Variants in VPS50 observed in about 807,000 individuals in gnomAD.
VPS50 encodes the protein VPS50 subunit of EARP/GARPII complex.
VPS50 carries 70 observed loss-of-function variants against 139.7 expected under a neutral mutation model. That is an observed-to-expected ratio of 0.50 (90% CI 0.41 to 0.61). The LOEUF is 0.61. Ranked by LOEUF, VPS50 falls within the 20% of genes least tolerant of loss-of-function variation. The probability of loss-of-function intolerance (pLI) is 0.00; values close to 1 mark genes in which losing one functional copy is unlikely to be tolerated. For missense variants in VPS50, 921 were observed against 1,133.7 expected, an observed-to-expected ratio of 0.81 and a Z score of 2.69; for synonymous variants, 365 against 376.7, an observed-to-expected ratio of 0.97 and a Z score of 0.36.
chr7:93,335,950 T>C (rs1485856296), intron 22 of VPS50, among the ~76,000 whole-genome samples: 1 of 152,182 alleles, frequency 6.6e-6, no homozygotes, highest in Non-Finnish European at 1.5e-5. Flanking sequence ...CTGATAAACA[T>C]TGGTTTGTTA....
intron 20 of VPS50, among the ~76,000 whole-genome samples, chr7:93,314,970 TAC>T (rs1226831537): frequency 6.6e-6 from 1 of 152,098 alleles, no homozygotes; most frequent in Non-Finnish European, 1.5e-5. Context: ...AAAATTAAAA[TAC>T]CCCAAGGTAT....
Position 93,319,688 on chromosome 7 carries a change from CTT to C in VPS50, c.1856-3920_1856-3919del, listed in dbSNP as rs377330490. ...CAATGTGTTTGATAGTATGTGGACT[CTT>C]TTGATCTGAAGGCTCCTGTGTTCCT... On this transcript the variant is annotated intron_variant, in intron 20 of 27. Coordinates refer to ENST00000305866, the MANE Select transcript of VPS50 (RefSeq NM_017667.4). 3.8e-4 allele frequency among the ~76,000 whole-genome samples: 58 copies of C among 152,170 alleles called. No homozygotes were observed. The South Asian group carries it at 5.8e-3, about 15-fold the overall frequency.
In VPS50 at chr7:93,256,535, C is replaced by A; in HGVS notation, c.324C>A (p.Ile108=). 1 of 1,456,704 alleles carries A rather than the reference C, an allele frequency of 6.9e-7. No homozygotes were observed. The highest frequency in any genetic ancestry group is 9.2e-7 in the Non-Finnish European group (1 of 1,088,452). The allele number at this position is 1,456,704 out of a possible 1,614,324, so 90.2% of individuals were successfully genotyped here. Residue 108 remains isoleucine (I), a synonymous_variant, in exon 5 of 28, where the codon ATC becomes ATA. Coordinates refer to ENST00000305866, the MANE Select transcript of VPS50 (RefSeq NM_017667.4). Reference sequence around the variant, plus strand: ...TATCTAAAAAAGTGGCAGATTTAATCCTTGAAAAACAGCCTGCTTATGTAA... The same window carrying A: ...TATCTAAAAAAGTGGCAGATTTAATACTTGAAAAACAGCCTGCTTATGTAA... ...AAVSKKVADL[I]LEKQPAYVKE... is the part of the protein sequence containing the mutation.
chr7:93,236,569 C>T (rs140547002), intron 1 of VPS50, among the ~76,000 whole-genome samples: 1 of 152,238 alleles, frequency 6.6e-6, no homozygotes, highest in African/African-American at 2.4e-5. Flanking sequence ...GAATTATCAA[C>T]ACAAACATCA....
At position 93,258,279 on chromosome 7, in the gene VPS50, A is replaced by C; in HGVS notation, c.540+3A>C. 1 of 1,558,542 alleles carries C rather than the reference A, an allele frequency of 6.4e-7. No homozygotes were observed. The highest frequency in any genetic ancestry group is 2.2e-5 in the East Asian group (1 of 44,546). On this transcript the variant is annotated splice_donor_region_variant and intron_variant, in intron 7 of 27. Transcript: ENST00000305866. The stretch of plus-strand genomic sequence containing the variant: ...CTCTGAGAACTATAAAAACATTGGT[A>C]TATATGGGTCATTTAAAAAAATTAA...
At chr7:93,330,963 G>A (rs1797922858) in intron 21 of VPS50, among the ~76,000 whole-genome samples, 1 of 148,908 alleles carries the variant, frequency 6.7e-6, no homozygotes, top group Admixed American at 6.7e-5. Context: ...TATAAAGTCA[G>A]TATACAAAAA....
At chr7:93,279,073 T>C (rs1796248075) in intron 12 of VPS50, among the ~76,000 whole-genome samples, 1 of 152,120 alleles carries the variant, frequency 6.6e-6, no homozygotes, top group Non-Finnish European at 1.5e-5. Flanking sequence ...AGGTGAAGAT[T>C]GTGATGCATA....
At position 93,252,674 on chromosome 7, in the gene VPS50, G is replaced by A; in HGVS notation, c.124G>A (p.Glu42Lys). The A allele has an allele frequency of 1.2e-6, 2 of 1,600,912 alleles. No homozygotes were observed. Among genetic ancestry groups the A allele is most frequent in the African/African-American group, 2.7e-5 (2 of 74,432 alleles). ...AAAGGAAGAATTCAGGGAACTTCGA[G>A]AACAGCCAAGTGACCCTCAAGCTGA... ...PGKEEFRELR[E>K]QPSDPQAEQE... The change falls in exon 3 of 28, where the codon GAA (glutamate) becomes AAA (lysine). Residue 42 changes from glutamate (E) to lysine (K), a missense_variant. By Grantham distance (56) the Glu-to-Lys change is moderately conservative. Transcript: ENST00000305866.
chr7:93,278,466 G>A lies in VPS50; in HGVS notation c.942+2161G>A, dbSNP rs544438366. ...AAAAATATTAGCTGGGTGTAGTGGCGCATGCCTGTAATCCCTGCTACTGGG... is the reference window on the plus strand; with the variant it reads ...AAAAATATTAGCTGGGTGTAGTGGCACATGCCTGTAATCCCTGCTACTGGG... On this transcript the variant is annotated intron_variant, in intron 12 of 27. Transcript: ENST00000305866. Among the ~76,000 whole-genome samples the A allele has an allele frequency of 1.8e-3, 267 of 150,058 alleles. 1 individual carries two copies. The highest frequency in any genetic ancestry group is 6.2e-3 in the African/African-American group (256 of 41,196).
chr7:93,311,727 A>G (rs907497577), intron 20 of VPS50, among the ~76,000 whole-genome samples: 1 of 151,650 alleles, frequency 6.6e-6, no homozygotes, highest in Non-Finnish European at 1.5e-5. Flanking sequence ...GATTATAGGA[A>G]ATGTTGTTTT....
chr7:93,305,586 A>G (rs539057334), intron 17 of VPS50, among the ~76,000 whole-genome samples: 1 of 151,916 alleles, frequency 6.6e-6, no homozygotes, highest in Non-Finnish European at 1.5e-5. Context: ...GGAAGCCAAA[A>G]GTAGCTTGAT....
chr7:93,250,249 G>T (rs1795281705), intron 2 of VPS50, among the ~76,000 whole-genome samples: 1 of 150,172 alleles, frequency 6.7e-6, no homozygotes, highest in African/African-American at 2.4e-5. Context: ...TATTTTTTTG[G>T]CTTGAAATTA....
chr7:93,291,896 G>T (rs1796658799), intron 13 of VPS50, 61 bp downstream of exon 13: 1 of 1,168,228 alleles, frequency 8.6e-7, no homozygotes, highest in East Asian at 2.7e-5. Flanking sequence ...CATTACTGGA[G>T]TAAGAAGAAA....
intron 12 of VPS50, among the ~76,000 whole-genome samples, chr7:93,287,105 T>A (rs1259361940): frequency 6.6e-6 from 1 of 151,938 alleles, no homozygotes; most frequent in Non-Finnish European, 1.5e-5. Flanking sequence ...TTTTTTAGAA[T>A]ATGAACTTAG....
At chr7:93,289,961 A>G (rs900978094) in intron 12 of VPS50, among the ~76,000 whole-genome samples, 1 of 151,968 alleles carries the variant, frequency 6.6e-6, no homozygotes, top group Non-Finnish European at 1.5e-5. Context: ...GTCTATTTTT[A>G]TGTCTCTTGG....
At chr7:93,246,242 C>A (rs918536691) in intron 2 of VPS50, 4 of 701,796 alleles carry the variant, frequency 5.7e-6, no homozygotes, top group East Asian at 2.7e-5. Context: ...TGTGGCAAAC[C>A]GCAAATCATG....
At chr7:93,342,093 A>C (rs892059259) in intron 23 of VPS50, among the ~76,000 whole-genome samples, 2 of 152,154 alleles carry the variant, frequency 1.3e-5, no homozygotes, top group Non-Finnish European at 2.9e-5. Flanking sequence ...GGAGTGCCAG[A>C]CAGTGGGCGC....
At chr7:93,326,500 A>G (rs1462347264) in intron 21 of VPS50, among the ~76,000 whole-genome samples, 1 of 150,076 alleles carries the variant, frequency 6.7e-6, no homozygotes, top group Non-Finnish European at 1.5e-5. Context: ...TGAAACCCAG[A>G]AAAAAAAATA....
chr7:93,348,858 C>T (rs1213165432), intron 24 of VPS50, 51 bp downstream of exon 24: 1 of 1,216,350 alleles, frequency 8.2e-7, no homozygotes, highest in South Asian at 1.3e-5. Flanking sequence ...ATAGGACTGT[C>T]ACAGATTATT....
Sources: gnomAD v4.1 joint callset for allele counts (sites outside exome capture counted in the v4.1 genomes callset) on GRCh38, gnomAD v4.1.1 for gene constraint, MANE v1.5 for transcripts, NCBI Gene and HGNC (gene_info 2026-07-23, HGNC 2026-07-21) for gene names.